The following SNX24 variants were observed in gnomAD, a reference collection of about 807,000 sequenced individuals.
The protein encoded by SNX24 is sorting nexin-24.
In SNX24, 22 loss-of-function variants were observed where a neutral mutation model predicts 28.7. The ratio of observed to expected loss-of-function variants is 0.77; its 90% CI spans 0.55 to 1.10. The LOEUF (loss-of-function observed/expected upper bound fraction) is 1.10, where lower values mean the gene tolerates loss of function less well. Ranked by LOEUF, SNX24 falls within the 50% of genes least tolerant of loss-of-function variation. The probability of loss-of-function intolerance (pLI) is 0.00; values close to 1 mark genes in which losing one functional copy is unlikely to be tolerated. For synonymous variants in SNX24, 69 were observed against 71.5 expected (o/e 0.96, Z 0.18); for missense variants, 221 against 201.1 (o/e 1.10, Z -0.60).
At chr5:122,879,216 C>T (rs749341546) in intron 1 of SNX24, among the ~76,000 whole-genome samples, 1 of 152,062 alleles carries the variant, frequency 6.6e-6, no homozygotes, top group Non-Finnish European at 1.5e-5. Flanking sequence ...TCCATTTGGA[C>T]CAGCCATGTT....
intron 1 of SNX24, among the ~76,000 whole-genome samples, chr5:122,911,545 A>G (rs1056457310): frequency 2.0e-5 from 3 of 150,156 alleles, no homozygotes; most frequent in African/African-American, 7.4e-5. Context: ...GTCTTTGCCC[A>G]TGCCTATGTC....
At chr5:122,853,010 ACGTAGCTGGCACAGTGCCTC>A (rs1754992204) in intron 1 of SNX24, among the ~76,000 whole-genome samples, 3 of 150,678 alleles carry the variant, frequency 2.0e-5, no homozygotes, top group East Asian at 4.0e-4. Context: ...TGTAACAAGG[ACGTAGCTGGCACAGTGCCTC>A]ATTCATGGTA....
At chr5:122,866,100 A>G (rs943404263) in intron 1 of SNX24, among the ~76,000 whole-genome samples, 1 of 152,230 alleles carries the variant, frequency 6.6e-6, no homozygotes, top group Non-Finnish European at 1.5e-5. Context: ...ACTCATGACA[A>G]TTCAATCTTA....
At chr5:122,932,858 CAAAAAAAA>C (rs57930558) in intron 1 of SNX24, among the ~76,000 whole-genome samples, 10 of 88,016 alleles carry the variant, frequency 1.1e-4, no homozygotes, top group African/African-American at 4.3e-4. Context: ...GACTCTGTCT[CAAAAAAAA>C]AAAAAAAAAA....
chr5:122,919,574 T>A (rs1297610565), intron 1 of SNX24, among the ~76,000 whole-genome samples: 1 of 151,988 alleles, frequency 6.6e-6, no homozygotes, highest in Non-Finnish European at 1.5e-5. Context: ...CATTTTAGTT[T>A]TTTTTTTTTG....
intron 3 of SNX24, among the ~76,000 whole-genome samples, chr5:122,961,716 C>G (rs1760496515): frequency 6.6e-6 from 1 of 152,154 alleles, no homozygotes; most frequent in Non-Finnish European, 1.5e-5. Flanking sequence ...CCATCCATCT[C>G]TTTTTGATCT....
intron 6 of SNX24, among the ~76,000 whole-genome samples, chr5:123,004,729 TG>T (rs1762363829): frequency 1.3e-5 from 2 of 152,196 alleles, no homozygotes; most frequent in African/African-American, 4.8e-5. Context: ...GAATTCTTTC[TG>T]GGCCTCAGAT....
intron 5 of SNX24, among the ~76,000 whole-genome samples, chr5:123,024,784 T>C (rs1310725036): frequency 6.6e-6 from 1 of 151,744 alleles, no homozygotes; most frequent in Non-Finnish European, 1.5e-5. Flanking sequence ...ATGAGGGAGG[T>C]AGAATAAGTC....
intron 3 of SNX24, among the ~76,000 whole-genome samples, chr5:122,954,219 A>G (rs1486315617): frequency 1.3e-5 from 2 of 151,690 alleles, no homozygotes; most frequent in African/African-American, 4.8e-5. Flanking sequence ...AGTTTTATAT[A>G]TAAAATACAT....
chr5:122,915,257 T>G (rs1349154627), intron 1 of SNX24, among the ~76,000 whole-genome samples: 1 of 152,186 alleles, frequency 6.6e-6, no homozygotes, highest in Non-Finnish European at 1.5e-5. Context: ...CTCACCCTGG[T>G]CTGCTGTAGT....
Position 122,884,251 on chromosome 5 carries a change from C to CTTTTTTT in SNX24, c.60+38572_60+38578dup, listed in dbSNP as rs758617172. Among the ~76,000 whole-genome samples the CTTTTTTT allele has an allele frequency of 8.9e-3, 824 of 92,376 alleles. 5 individuals are homozygous for CTTTTTTT. The highest frequency in any genetic ancestry group is 0.029 in the East Asian group (87 of 3,002). 60.6% of individuals were successfully genotyped at this position (92,376 alleles called of 152,430 possible). A position where few individuals can be genotyped will look rare whatever the true frequency, so the allele number is the denominator to read the frequency against. ...TAATTACCCTCAATTGTTTCTTTTT[C>CTTTTTTT]TTTTTTTTTTTTTTTTTTTTCAGAC... On this transcript the variant is annotated intron_variant, in intron 1 of 6. Coordinates refer to ENST00000261369, the MANE Select transcript of SNX24 (RefSeq NM_014035.4).
chr5:122,988,241 C>T (rs978334910), intron 3 of SNX24, among the ~76,000 whole-genome samples: 12 of 152,126 alleles, frequency 7.9e-5, no homozygotes, highest in African/African-American at 2.7e-4. Context: ...CTGCCCAGCC[C>T]CAGTGATGTC....
At position 123,007,931 on chromosome 5, in the gene SNX24, A is replaced by G. The variant is rs1762474817; in HGVS notation, c.*182A>G. ...TTAGAATGGTGCTCTTAAAAATAGAAACTGAACCGGGGCGGTGGTCAGGCT... is the reference window on the plus strand; with the variant it reads ...TTAGAATGGTGCTCTTAAAAATAGAGACTGAACCGGGGCGGTGGTCAGGCT... On this transcript the variant is annotated 3_prime_UTR_variant, in exon 7 of 7. Coordinates refer to ENST00000261369, the MANE Select transcript of SNX24 (RefSeq NM_014035.4). 1 of 1,395,686 alleles carries G rather than the reference A, an allele frequency of 7.2e-7. No homozygotes were observed. The highest frequency in any genetic ancestry group is 9.3e-7 in the Non-Finnish European group (1 of 1,070,898). 86.5% of individuals were successfully genotyped at this position (1,395,686 alleles called of 1,614,324 possible). A position where few individuals can be genotyped will look rare whatever the true frequency, so the allele number is the denominator to read the frequency against.
chr5:123,007,648 C>CTTTTTTTTTTCTTTTTTTTTTT, intron 6 of SNX24, 34 bp from the exon 7 acceptor site: 2 of 1,389,028 alleles, frequency 1.4e-6, no homozygotes, highest in South Asian at 1.3e-5. Flanking sequence ...AGCAGTTTTT[C>CTTTTTTTTTTCTTTTTTTTTTT]TTTTTTTTTT....
chr5:122,876,892 G>A (rs1011470132), intron 1 of SNX24, among the ~76,000 whole-genome samples: 1 of 152,164 alleles, frequency 6.6e-6, no homozygotes, highest in Non-Finnish European at 1.5e-5. Context: ...AAGTTAGAAA[G>A]ATAAAATGAA....
chr5:122,889,031 T>G (rs893291050), intron 1 of SNX24, among the ~76,000 whole-genome samples: 1 of 152,142 alleles, frequency 6.6e-6, no homozygotes, highest in Non-Finnish European at 1.5e-5. Context: ...TTTTGTATTT[T>G]TGGTAGAGAT....
At chr5:122,919,090 GA>G (rs1379680675) in intron 1 of SNX24, among the ~76,000 whole-genome samples, 1 of 152,114 alleles carries the variant, frequency 6.6e-6, no homozygotes, top group Non-Finnish European at 1.5e-5. Context: ...AAGCTGTATC[GA>G]AAATTAGAAA....
chr5:123,027,831 G>C (rs1300325873), intron 5 of SNX24, among the ~76,000 whole-genome samples: 1 of 152,136 alleles, frequency 6.6e-6, no homozygotes, highest in Non-Finnish European at 1.5e-5. Context: ...AAATTATTTG[G>C]AGTTACATAT....
At chr5:123,002,670 T>G (rs919351784) in intron 6 of SNX24, among the ~76,000 whole-genome samples, 3 of 152,256 alleles carry the variant, frequency 2.0e-5, no homozygotes, top group Admixed American at 6.5e-5. Context: ...TGTATATACA[T>G]TGCAGCATCT....
Sources: allele counts gnomAD v4.1 joint callset (sites outside exome capture counted in the v4.1 genomes callset), GRCh38; gene constraint gnomAD v4.1.1; transcripts MANE v1.5; gene names NCBI Gene and HGNC (gene_info 2026-07-23, HGNC 2026-07-21).